Variants in POM121C observed in about 807,000 individuals in gnomAD.
POM121C encodes the protein nuclear envelope pore membrane protein POM 121C.
POM121C carries 20 observed loss-of-function variants against 66.4 expected under a neutral mutation model. The observed-to-expected ratio is 0.30, with a 90% confidence interval of 0.21 to 0.44. The LOEUF is 0.44. Ranked by LOEUF, POM121C falls within the 20% of genes least tolerant of loss-of-function variation. The pLI, the probability that POM121C is intolerant of heterozygous loss-of-function variation, is 1.00. For synonymous variants in POM121C, 286 were observed against 528.0 expected (o/e 0.54, Z 6.28); for missense variants, 580 against 1,225.7 (o/e 0.47, Z 7.87).
chr7:75,428,170 T>TTGCTCTG (rs1790031276), intron 7 of POM121C, among the ~76,000 whole-genome samples: 1 of 151,912 alleles, frequency 6.6e-6, no homozygotes, highest in South Asian at 2.1e-4. Context: ...AGACGGAGCC[T>TTGCTCTG]TGCTCTGTCA....
chr7:75,421,472 G>A, intron 13 of POM121C, 37 bp downstream of exon 13: 1 of 1,610,412 alleles, frequency 6.2e-7, no homozygotes, highest in East Asian at 2.2e-5. Context: ...GCTTTTCAGT[G>A]TCCGGCCCGG....
intron 3 of POM121C, among the ~76,000 whole-genome samples, chr7:75,462,825 GAGA>G (rs782788662): frequency 4.6e-5 from 7 of 152,000 alleles, no homozygotes; most frequent in African/African-American, 7.3e-5. Flanking sequence ...GACAGCATGG[GAGA>G]AGAAGCTGTG....
intron 3 of POM121C, among the ~76,000 whole-genome samples, chr7:75,464,355 T>C (rs1428443667): frequency 3.9e-5 from 6 of 152,380 alleles, no homozygotes; most frequent in African/African-American, 1.4e-4. Context: ...TCCAGCACTT[T>C]GGGAGGCTGA....
rs587702156 is a variant in POM121C, at chr7:75,421,675, G to A, written c.2577C>T (p.Ser859=). ...CAAAGCTGAAAGCTCCGGTGGTGGC[G>A]CTGGAGCCTGGGGTGGCCACGTTGA... ...FGINVATPGS[S]ATTGAFSFGA... Residue 859 remains serine (S), a synonymous_variant, in exon 13 of 15, where the codon AGC becomes AGT. Coordinates refer to ENST00000615331, the MANE Select transcript of POM121C (RefSeq NM_001099415.3). 887 of 1,610,496 alleles carry A rather than the reference G, an allele frequency of 5.5e-4. No individual in the cohort carries two copies. Among genetic ancestry groups the A allele is most frequent in the Non-Finnish European group, 7.1e-4 (835 of 1,178,788 alleles).
rs587673244 is a variant in POM121C at position 75,475,174 on chromosome 7, G to T, written c.-443C>A. 6.6e-7 allele frequency: 1 copy of T among 1,515,108 alleles called. No individual in the cohort carries two copies. Among genetic ancestry groups the T allele is most frequent in the Non-Finnish European group, 9.1e-7 (1 of 1,097,976 alleles). The allele number at this position is 1,515,108 out of a possible 1,614,324, so 93.9% of individuals were successfully genotyped here. A position where few individuals can be genotyped will look rare whatever the true frequency, so the allele number is the denominator to read the frequency against. Reference sequence around the variant, plus strand: ...GGGTGAAATCCACAGCCACATCTTTGAATGACACTGGCCCCTGTAATGGCA... The same window carrying T: ...GGGTGAAATCCACAGCCACATCTTTTAATGACACTGGCCCCTGTAATGGCA... On this transcript the variant is annotated 5_prime_UTR_variant, in exon 2 of 15. Transcript: ENST00000615331.
At chr7:75,446,600 A>T (rs587721387) in intron 3 of POM121C, among the ~76,000 whole-genome samples, 2 of 151,998 alleles carry the variant, frequency 1.3e-5, no homozygotes, top group East Asian at 3.9e-4. Context: ...AATCAGTCTT[A>T]GATTGAGCAT....
rs587719531 is a variant in POM121C, at chr7:75,447,916, C to T, written c.-151-6269G>A. 1.1e-3 allele frequency among the ~76,000 whole-genome samples: 171 copies of T among 150,918 alleles called. 1 individual carries two copies. Among genetic ancestry groups the T allele is most frequent in the African/African-American group, 4.1e-3 (167 of 41,132 alleles). ...GCAGGCGCCTGTAGTCCCAGCTGCT[C>T]GGGAGGCTGAGGCAGGAGAATGGTG... On this transcript the variant is annotated intron_variant, in intron 3 of 14. Transcript: ENST00000615331.
intron 3 of POM121C, among the ~76,000 whole-genome samples, chr7:75,463,750 T>C (rs1319007560): frequency 2.6e-5 from 4 of 152,112 alleles, no homozygotes; most frequent in Non-Finnish European, 5.9e-5. Flanking sequence ...TGGAGGGCAG[T>C]GGTGCGATCT....
At chr7:75,429,612 CAG>C (rs1437852968) in intron 7 of POM121C, among the ~76,000 whole-genome samples, 1 of 152,150 alleles carries the variant, frequency 6.6e-6, no homozygotes, top group Non-Finnish European at 1.5e-5. Context: ...GCCTGGGCGA[CAG>C]AGCGAGACTC....
rs71305122 is a variant in POM121C at position 75,457,150 on chromosome 7, A to AAAATAAAT, written c.-151-15511_-151-15504dup. ...CAACAGAGCCAGACTATTTCAATTA[A>AAAATAAAT]AAATAAATAAATAAATAAATAAATA... On this transcript the variant is annotated intron_variant, in intron 3 of 14. Coordinates refer to ENST00000615331, the MANE Select transcript of POM121C (RefSeq NM_001099415.3). Among the ~76,000 whole-genome samples the AAAATAAAT allele has an allele frequency of 7.3e-5, 9 of 123,980 alleles. 2 individuals carry two copies. The highest frequency in any genetic ancestry group is 1.9e-4 in the African/African-American group (6 of 31,942). The allele number at this position is 123,980 out of a possible 152,430, so 81.3% of individuals were successfully genotyped here. A position where few individuals can be genotyped will look rare whatever the true frequency, so the allele number is the denominator to read the frequency against.
Position 75,485,944 on chromosome 7 carries a change from C to A in POM121C, c.-538G>T, listed in dbSNP as rs1168158129. The A allele has an allele frequency of 4.0e-6, 2 of 498,506 alleles. No homozygotes were observed. Among genetic ancestry groups the A allele is most frequent in the Admixed American group, 4.2e-5 (2 of 47,450 alleles). 30.9% of individuals were successfully genotyped at this position (498,506 alleles called of 1,614,324 possible). On this transcript the variant is annotated 5_prime_UTR_variant, in exon 1 of 15. Coordinates refer to ENST00000615331, the MANE Select transcript of POM121C (RefSeq NM_001099415.3). ...GCTGTCGCTGGCGCGCGCGTCTGCT[C>A]GCGAGGTCCCCTCCTGTCCACCTCA...
intron 6 of POM121C, among the ~76,000 whole-genome samples, chr7:75,438,523 G>A (rs1165817546): frequency 4.6e-5 from 7 of 152,022 alleles, no homozygotes; most frequent in Non-Finnish European, 8.8e-5. Context: ...TAACATCTTC[G>A]TTGCTTCACT....
At chr7:75,476,623 A>G (rs1792087919) in intron 1 of POM121C, among the ~76,000 whole-genome samples, 1 of 152,148 alleles carries the variant, frequency 6.6e-6, no homozygotes, top group Non-Finnish European at 1.5e-5. Context: ...AATCACCGAG[A>G]GAGAGTAATA....
In POM121C at chr7:75,472,686, T is replaced by C. The variant is rs587705403; in HGVS notation, c.-152+2018A>G. On this transcript the variant is annotated intron_variant, in intron 3 of 14. Coordinates refer to ENST00000615331, the MANE Select transcript of POM121C (RefSeq NM_001099415.3). The stretch of plus-strand genomic sequence containing the variant: ...CAGGCATGGTGGTGTGCACCTGTAA[T>C]CCCAGCTACTTTGGGAGGCTGAGGC... Among the ~76,000 whole-genome samples the C allele has an allele frequency of 5.3e-5, 8 of 151,760 alleles. 1 individual carries two copies. In the East Asian group the frequency reaches 1.6e-3, roughly 30 times the overall value.
chr7:75,439,256 T>C, intron 5 of POM121C, 32 bp from the exon 6 acceptor site: 1 of 1,613,630 alleles, frequency 6.2e-7, no homozygotes, highest in Non-Finnish European at 8.5e-7. Context: ...TCAAATGAAA[T>C]GACATGACTT....
In POM121C at chr7:75,421,979, T is replaced by C. The variant is rs1205320880; in HGVS notation, c.2273A>G (p.His758Arg). 4.3e-6 allele frequency: 7 copies of C among 1,613,754 alleles called. No homozygotes were observed. The highest frequency in any genetic ancestry group is 1.3e-5 in the African/African-American group (1 of 74,958). Residue 758 changes from histidine (H) to arginine (R), a missense_variant, in exon 13 of 15, where the codon CAC becomes CGC. Coordinates refer to ENST00000615331, the MANE Select transcript of POM121C (RefSeq NM_001099415.3). ...PASTIKIVPAHVPTPIQPTFG... is the reference protein window; with the variant it reads ...PASTIKIVPARVPTPIQPTFG... ...GGTAGGCTGGATGGGCGTAGGCACG[T>C]GCGCAGGCACGATCTTGATCGTGGA...
rs1792055710 is a variant in POM121C, at chr7:75,475,950, A to G, written c.-457-762T>C. ...GGGAGGAAGAATATGATGAGGTGTA[A>G]AAGTACCAATGGCAAACATGAAGCA... On this transcript the variant is annotated intron_variant, in intron 1 of 14. Coordinates refer to ENST00000615331, the MANE Select transcript of POM121C (RefSeq NM_001099415.3). Among the ~76,000 whole-genome samples the G allele has an allele frequency of 2.0e-5, 3 of 151,910 alleles. No homozygotes were observed. In the South Asian group the frequency reaches 6.2e-4, roughly 32 times the overall value.
At chr7:75,460,221 G>A (rs1791399369) in intron 3 of POM121C, among the ~76,000 whole-genome samples, 1 of 140,034 alleles carries the variant, frequency 7.1e-6, no homozygotes, top group Admixed American at 6.9e-5. Flanking sequence ...GCCAAGTGTG[G>A]TAGCTTATGC....
At chr7:75,446,711 T>C (rs1418232051) in intron 3 of POM121C, among the ~76,000 whole-genome samples, 1 of 152,044 alleles carries the variant, frequency 6.6e-6, no homozygotes, top group Non-Finnish European at 1.5e-5. Flanking sequence ...AGAAAATGTA[T>C]ATAGGAATAA....
Sources: gnomAD v4.1 joint callset for allele counts (sites outside exome capture counted in the v4.1 genomes callset) on GRCh38, gnomAD v4.1.1 for gene constraint, MANE v1.5 for transcripts, NCBI Gene and HGNC (gene_info 2026-07-23, HGNC 2026-07-21) for gene names.